The following CTNNA1 variants were observed in gnomAD, a reference collection of about 807,000 sequenced individuals.
The protein encoded by CTNNA1 is catenin alpha-1.
In CTNNA1, 37 loss-of-function variants were observed where a neutral mutation model predicts 98.4. The ratio of observed to expected loss-of-function variants is 0.38; its 90% CI spans 0.29 to 0.49. The LOEUF is 0.49. CTNNA1 is among the 20% of genes least tolerant of loss of function. The probability of loss-of-function intolerance (pLI) is 0.95; values close to 1 mark genes in which losing one functional copy is unlikely to be tolerated. For missense variants in CTNNA1, 761 were observed against 1,147.2 expected (o/e 0.66, Z 4.86); for synonymous variants, 404 against 413.2 (o/e 0.98, Z 0.27).
At chr5:138,851,976 A>G (rs1356644712) in intron 7 of CTNNA1, among the ~76,000 whole-genome samples, 1 of 148,114 alleles carries the variant, frequency 6.8e-6, no homozygotes, top group Non-Finnish European at 1.5e-5. Context: ...AGGCTGAGGC[A>G]GGAGAATTGC....
chr5:138,755,787 C>T (rs1373765592), intron 1 of CTNNA1, among the ~76,000 whole-genome samples: 1 of 147,520 alleles, frequency 6.8e-6, no homozygotes, highest in Non-Finnish European at 1.5e-5. Flanking sequence ...CTTCTGGAGA[C>T]ATGAACCAGA....
At chr5:138,787,335 G>A (rs760081838) in intron 3 of CTNNA1, among the ~76,000 whole-genome samples, 1 of 152,094 alleles carries the variant, frequency 6.6e-6, no homozygotes, top group South Asian at 2.1e-4. Context: ...GGAGAATGGC[G>A]TGAACCTGGG....
intron 9 of CTNNA1, among the ~76,000 whole-genome samples, chr5:138,888,609 A>G (rs288020): frequency 0.35 from 52,625 of 151,752 alleles, 9,782 homozygotes; most frequent in African/African-American, 0.5. Context: ...GTGCAGTGGG[A>G]CAATCTCAGC....
chr5:138,849,665 A>G (rs535518195), intron 7 of CTNNA1, among the ~76,000 whole-genome samples: 62 of 152,332 alleles, frequency 4.1e-4, no homozygotes, highest in African/African-American at 1.4e-3. Context: ...GATGTTATCT[A>G]TGAACTTACT....
chr5:138,886,641 G>A (rs288027), intron 8 of CTNNA1, among the ~76,000 whole-genome samples: 136,729 of 152,162 alleles, frequency 0.9, 61,697 homozygotes, highest in East Asian at 1. Context: ...AATTTCAGTT[G>A]TTTATCTGAC....
intron 7 of CTNNA1, among the ~76,000 whole-genome samples, chr5:138,859,008 A>G (rs561785492): frequency 6.6e-6 from 1 of 152,098 alleles, no homozygotes; most frequent in South Asian, 2.1e-4. Flanking sequence ...TATTACATTG[A>G]CTTGAGAACA....
rs761326090 is a variant in CTNNA1 at position 138,874,037 on chromosome 5, C to T, written c.1063-12175C>T. On this transcript the variant is annotated intron_variant, in intron 7 of 17. Transcript: ENST00000302763. The surrounding 1 kb of genome is among the most constrained non-coding windows in gnomAD (Gnocchi z 4.1). ...CAGACTACGACAGTCCCAGAACAGG[C>T]GTACTGGGATAGTCCGCAGGGAGTT... 4.3e-6 allele frequency: 7 copies of T among 1,613,850 alleles called. No individual in the cohort carries two copies. The highest frequency in any genetic ancestry group is 1.1e-5 in the South Asian group (1 of 91,080).
At chr5:138,899,835 A>G (rs1020422579) in intron 9 of CTNNA1, among the ~76,000 whole-genome samples, 1 of 152,258 alleles carries the variant, frequency 6.6e-6, no homozygotes, top group Non-Finnish European at 1.5e-5. Flanking sequence ...TTATTAAAGC[A>G]TAATCTGTAT....
At chr5:138,760,020 GT>G (rs1752151431) in intron 1 of CTNNA1, among the ~76,000 whole-genome samples, 1 of 96,052 alleles carries the variant, frequency 1.0e-5, no homozygotes, top group Non-Finnish European at 1.9e-5. Flanking sequence ...ATGAGATGGA[GT>G]TTCACTCTTG....
intron 1 of CTNNA1, among the ~76,000 whole-genome samples, chr5:138,778,106 G>A (rs1443769233): frequency 1.4e-5 from 2 of 140,390 alleles, no homozygotes; most frequent in Non-Finnish European, 3.0e-5. Context: ...CCATTCTCCT[G>A]CCTCAGCCTC....
intron 13 of CTNNA1, among the ~76,000 whole-genome samples, chr5:138,927,124 C>T (rs535234988): frequency 1.5e-4 from 23 of 152,300 alleles, no homozygotes; most frequent in African/African-American, 5.5e-4. Flanking sequence ...CATGCAGGTG[C>T]CACTCAGCTG....
At chr5:138,820,427 T>C (rs1581151636) in intron 5 of CTNNA1, among the ~76,000 whole-genome samples, 5 of 152,276 alleles carry the variant, frequency 3.3e-5, no homozygotes, top group South Asian at 2.1e-4. Context: ...ATGTGGATTC[T>C]AGGCAGGTCC....
intron 3 of CTNNA1, chr5:138,790,907 G>A (rs1487482503): frequency 2.0e-5 from 3 of 152,182 alleles, no homozygotes; most frequent in Non-Finnish European, 2.9e-5. Flanking sequence ...TCTCATGTAT[G>A]TGTTGTTATT....
At chr5:138,893,201 G>C (rs1755900507) in intron 9 of CTNNA1, among the ~76,000 whole-genome samples, 1 of 152,120 alleles carries the variant, frequency 6.6e-6, no homozygotes, top group Admixed American at 6.5e-5. Flanking sequence ...GATGAGGGTA[G>C]AGCAGTGGAG....
At chr5:138,913,933 C>T (rs1761199787) in intron 10 of CTNNA1, among the ~76,000 whole-genome samples, 1 of 152,148 alleles carries the variant, frequency 6.6e-6, no homozygotes, top group South Asian at 2.1e-4. Flanking sequence ...TTACTGCAGC[C>T]TTGGCATCCT....
chr5:138,775,321 C>T (rs1753985361), intron 1 of CTNNA1, among the ~76,000 whole-genome samples: 1 of 152,170 alleles, frequency 6.6e-6, no homozygotes, highest in African/African-American at 2.4e-5. Context: ...ATTCCATTTC[C>T]TAAGGTTCAC....
chr5:138,910,934 T>C (rs971297334), intron 10 of CTNNA1, among the ~76,000 whole-genome samples: 1 of 152,182 alleles, frequency 6.6e-6, no homozygotes, highest in African/African-American at 2.4e-5. Context: ...GACATGAGCT[T>C]ACTTAGGTTG....
intron 7 of CTNNA1, among the ~76,000 whole-genome samples, chr5:138,832,073 A>T (rs1252841612): frequency 3.9e-5 from 6 of 152,224 alleles, no homozygotes; most frequent in Non-Finnish European, 5.9e-5. Context: ...ATACTCTGGA[A>T]TAAGCAATTA....
intron 1 of CTNNA1, chr5:138,762,097 A>G (rs184506036): frequency 1.3e-4 from 20 of 152,312 alleles, no homozygotes; most frequent in Admixed American, 1.3e-3. Flanking sequence ...TATTCTATGC[A>G]TGTTGGAGGA....
Sources: allele counts gnomAD v4.1 joint callset (sites outside exome capture counted in the v4.1 genomes callset), GRCh38; gene constraint gnomAD v4.1.1; non-coding constraint Gnocchi (gnomAD v3.1); transcripts MANE v1.5; gene names NCBI Gene and HGNC (gene_info 2026-07-23, HGNC 2026-07-21).